The following FBXO17 variants were observed in gnomAD, a reference collection of about 807,000 sequenced individuals.
FBXO17 encodes the protein F-box only protein 17.
Under a neutral mutation model 34.1 loss-of-function variants are expected in FBXO17, and 43 were observed. That is an observed-to-expected ratio of 1.26 (90% CI 0.99 to 1.62). The LOEUF is 1.62. Among genes scored for constraint, FBXO17 ranks in the 40% most tolerant of loss-of-function variants. The pLI, the probability that FBXO17 is intolerant of heterozygous loss-of-function variation, is 0.00. For missense variants in FBXO17, 424 were observed against 386.7 expected (o/e 1.10, Z -0.81); for synonymous variants, 169 against 166.0 (o/e 1.02, Z -0.14).
In FBXO17 at chr19:38,946,261, G is replaced by A. The variant is rs558838213; in HGVS notation, c.557+211C>T. The A allele has an allele frequency of 7.3e-5, 57 of 784,430 alleles. No homozygotes were observed. In the Admixed American group the frequency reaches 1.7e-3, roughly 24 times the overall value. 48.6% of individuals were successfully genotyped at this position (784,430 alleles called of 1,614,324 possible). A position where few individuals can be genotyped will look rare whatever the true frequency, so the allele number is the denominator to read the frequency against. ...GTGGACCACCCCAGCCTGCTGGGAT[G>A]AGGGTGGGCAGGAGTGCAGAGTGGG... On this transcript the variant is annotated intron_variant, in intron 4 of 5. Transcript: ENST00000292852.
In FBXO17 at chr19:38,955,871, C is replaced by G. The variant is rs1030038799; in HGVS notation, c.-17-5535G>C. ...TCAGTTTCCCTTTCTGAAAATGGGG[C>G]TGCTAACGGTGCCTCCATCATAGGG... On this transcript the variant is annotated intron_variant, in intron 1 of 5. Coordinates refer to ENST00000292852, the MANE Select transcript of FBXO17 (RefSeq NM_024907.7). Among the ~76,000 whole-genome samples, 7 of 152,100 alleles carry G rather than the reference C, an allele frequency of 4.6e-5. 1 individual carries two copies. Among genetic ancestry groups the G allele is most frequent in the Admixed American group, 2.6e-4 (4 of 15,254 alleles).
At chr19:38,969,584 T>C (rs1975364286) in intron 1 of FBXO17, among the ~76,000 whole-genome samples, 1 of 142,050 alleles carries the variant, frequency 7.0e-6, no homozygotes, top group African/African-American at 2.6e-5. Context: ...TGGAAACCAC[T>C]GGGCTTTTTT....
At chr19:38,964,979 A>G (rs1478278811) in intron 1 of FBXO17, among the ~76,000 whole-genome samples, 2 of 152,124 alleles carry the variant, frequency 1.3e-5, no homozygotes, top group African/African-American at 2.4e-5. Context: ...CCAGTGGGAA[A>G]GGACTGTATT....
chr19:38,968,232 T>A (rs1975345666), intron 1 of FBXO17, among the ~76,000 whole-genome samples: 1 of 151,672 alleles, frequency 6.6e-6, no homozygotes, highest in African/African-American at 2.4e-5. Context: ...GGCAGGAGAA[T>A]CACTTGAACC....
chr19:38,966,819 C>G (rs552538709), intron 1 of FBXO17, among the ~76,000 whole-genome samples: 2 of 152,222 alleles, frequency 1.3e-5, no homozygotes, highest in Admixed American at 1.3e-4. Flanking sequence ...GAAAAAGACT[C>G]TTTTCAACAA....
intron 1 of FBXO17, 43 bp from the exon 2 acceptor site, chr19:38,950,379 G>T: frequency 7.2e-7 from 1 of 1,391,396 alleles, no homozygotes; most frequent in East Asian, 2.9e-5. Context: ...GCGCAGCCAG[G>T]CCACCCCCTC....
At chr19:38,944,242 C>G (rs1388051834) in intron 5 of FBXO17, among the ~76,000 whole-genome samples, 1 of 116,572 alleles carries the variant, frequency 8.6e-6, no homozygotes, top group Non-Finnish European at 1.7e-5. Context: ...AGCAGTGAGA[C>G]TTCTGATCTG....
At chr19:38,944,482 T>C (rs973100530) in intron 5 of FBXO17, among the ~76,000 whole-genome samples, 7 of 152,154 alleles carry the variant, frequency 4.6e-5, no homozygotes, top group Non-Finnish European at 1.0e-4. Flanking sequence ...GCCCTCAAGC[T>C]GTCCTCCCAT....
intron 1 of FBXO17, among the ~76,000 whole-genome samples, chr19:38,968,722 G>A (rs934421): frequency 0.7 from 106,134 of 152,012 alleles, 38,079 homozygotes; most frequent in African/African-American, 0.86. Flanking sequence ...TTTTTAAGCA[G>A]TAAAAAGGAA....
intron 3 of FBXO17, chr19:38,946,972 C>T (rs1026930862): frequency 2.1e-5 from 4 of 191,048 alleles, no homozygotes; most frequent in Non-Finnish European, 4.4e-5. Flanking sequence ...ATGGGATGCT[C>T]CGGCAGGGGA....
At chr19:38,948,509 G>T (rs1264410417) in intron 3 of FBXO17, 58 bp downstream of exon 3, 2 of 1,366,516 alleles carry the variant, frequency 1.5e-6, no homozygotes, top group Non-Finnish European at 2.1e-6. Flanking sequence ...GGGGGGTAGG[G>T]TCCCTTTCTT....
In FBXO17 at chr19:38,946,564, C is replaced by A. The variant is rs1347792175; in HGVS notation, c.465G>T (p.Trp155Cys). ...GGTCCACAAGCTGCCTCTTGGAGCACCATCTGGGAAGGAGAGATGGCAGGG... is the reference window on the plus strand; with the variant it reads ...GGTCCACAAGCTGCCTCTTGGAGCAACATCTGGGAAGGAGAGATGGCAGGG... ...SQTCFVTSFE[W>C]CSKRQLVDLV... is the part of the protein sequence containing the mutation. Residue 155 changes from tryptophan to cysteine, a missense_variant, in exon 4 of 6, where the codon TGG (tryptophan) becomes TGT (cysteine). Transcript: ENST00000292852. The A allele has an allele frequency of 6.2e-7, 1 of 1,614,012 alleles. No homozygotes were observed. Among genetic ancestry groups the A allele is most frequent in the East Asian group, 2.2e-5 (1 of 44,872 alleles).
At chr19:38,957,385 C>T (rs1038634846) in intron 1 of FBXO17, among the ~76,000 whole-genome samples, 6 of 152,020 alleles carry the variant, frequency 3.9e-5, no homozygotes, top group East Asian at 1.9e-4. Context: ...CTCACTCTGT[C>T]GCCCAGGCTG....
At chr19:38,971,982 AC>A (rs1356863259) in intron 1 of FBXO17, among the ~76,000 whole-genome samples, 1 of 151,910 alleles carries the variant, frequency 6.6e-6, no homozygotes, top group Admixed American at 6.6e-5. Context: ...GCCTCAAACC[AC>A]CCCATGAAGT....
At chr19:38,946,432 C>A in intron 4 of FBXO17, 40 bp downstream of exon 4, 1 of 1,612,590 alleles carries the variant, frequency 6.2e-7, no homozygotes, top group South Asian at 1.1e-5. Flanking sequence ...CGCTGCCAAG[C>A]CTGCTGCTGC....
rs1225044391 is a variant in FBXO17, at chr19:38,962,007, C to G, written c.-17-11671G>C. On this transcript the variant is annotated intron_variant, in intron 1 of 5. Coordinates refer to ENST00000292852, the MANE Select transcript of FBXO17 (RefSeq NM_024907.7). ...TCAATTTTTCTTTTCTATAATTTCA[C>G]GTAAATGGAATCATATAGAGTGTCG... is the stretch of plus-strand genomic sequence containing the variant. 2.0e-5 allele frequency among the ~76,000 whole-genome samples: 3 copies of G among 151,194 alleles called. No homozygotes were observed. The Admixed American group carries it at 2.0e-4, about 10-fold the overall frequency.
At chr19:38,944,887 A>T in intron 5 of FBXO17, 82 bp downstream of exon 5, 1 of 1,567,134 alleles carries the variant, frequency 6.4e-7, no homozygotes, top group Non-Finnish European at 8.7e-7. Context: ...CAGGAGTGAC[A>T]GAAGGGAAAC....
rs549629742 is a variant in FBXO17, at chr19:38,943,462, C to T, written c.694-711G>A. Among the ~76,000 whole-genome samples, 4 of 151,648 alleles carry T rather than the reference C, an allele frequency of 2.6e-5. No homozygotes were observed. In the East Asian group the frequency reaches 5.8e-4, roughly 22 times the overall value. ...CTAATTTTTGTATTTTTAGTAGAGA[C>T]GGGGGTTTTGCCATGTTGGTCAGGC... On this transcript the variant is annotated intron_variant, in intron 5 of 5. Coordinates refer to ENST00000292852, the MANE Select transcript of FBXO17 (RefSeq NM_024907.7).
At chr19:38,944,938 C>A (rs749547473) in intron 5 of FBXO17, 31 bp downstream of exon 5, 7 of 1,612,202 alleles carry the variant, frequency 4.3e-6, no homozygotes, top group Non-Finnish European at 5.9e-6. Context: ...TTTAGCGGGT[C>A]GGGGGGAGCT....
Sources: gnomAD v4.1 joint callset for allele counts (sites outside exome capture counted in the v4.1 genomes callset) on GRCh38, gnomAD v4.1.1 for gene constraint, MANE v1.5 for transcripts, NCBI Gene and HGNC (gene_info 2026-07-23, HGNC 2026-07-21) for gene names.